Variants in RAB11FIP5 observed in about 807,000 individuals in gnomAD.
The protein encoded by RAB11FIP5 is RAB11 family interacting protein 5, also known as rab11 family-interacting protein 5.
RAB11FIP5 carries 48 observed loss-of-function variants against 85.1 expected under a neutral mutation model. That is an observed-to-expected ratio of 0.56 (90% CI 0.45 to 0.72). The LOEUF (loss-of-function observed/expected upper bound fraction) is 0.72, where lower values mean the gene tolerates loss of function less well. Ranked by LOEUF, RAB11FIP5 falls within the 30% of genes least tolerant of loss-of-function variation. RAB11FIP5 has a pLI of 0.00. For missense variants in RAB11FIP5, 1,491 were observed against 1,687.0 expected, an observed-to-expected ratio of 0.88 and a Z score of 2.04; for synonymous variants, 729 against 727.3, an observed-to-expected ratio of 1.00 and a Z score of -0.04.
rs769814698 is a variant in RAB11FIP5 at position 73,088,859 on chromosome 2, G to A, written c.868+20C>T. 17 of 1,547,860 alleles carry A rather than the reference G, an allele frequency of 1.1e-5. No individual in the cohort carries two copies. The highest frequency in any genetic ancestry group is 1.5e-5 in the Non-Finnish European group (17 of 1,149,630). On this transcript the variant is annotated intron_variant, in intron 2 of 5. Transcript: ENST00000486777. ...AGCCAGTGCCCCCCTCCCCAGGGCG[G>A]CGGCCCTGTGCTTGCTCACCCCCTT...
chr2:73,075,932 C>G lies in RAB11FIP5; in HGVS notation c.3771+61G>C, dbSNP rs541941304. On this transcript the variant is annotated intron_variant, in intron 5 of 5. Transcript: ENST00000486777. The surrounding 1 kb of genome is among the most constrained non-coding windows in gnomAD (Gnocchi z 4.6). ...CTCCCTGCCCCACCCTCACCAGGAC[C>G]AAGCCCTGAGACTCCACCACACATT... 9.7e-5 allele frequency: 151 copies of G among 1,559,018 alleles called. No homozygotes were observed. In the African/African-American group the frequency reaches 1.8e-3, roughly 19 times the overall value.
chr2:73,103,618 G>A (rs896757771), intron 1 of RAB11FIP5, among the ~76,000 whole-genome samples: 12 of 152,122 alleles, frequency 7.9e-5, no homozygotes, highest in African/African-American at 2.7e-4. Context: ...CTCCATATTC[G>A]CAAAAATGGT....
chr2:73,109,142 T>C (rs932526895), intron 1 of RAB11FIP5, among the ~76,000 whole-genome samples: 1 of 152,202 alleles, frequency 6.6e-6, no homozygotes, highest in African/African-American at 2.4e-5. Flanking sequence ...TGACGATCCA[T>C]GGACAGTTCT....
intron 1 of RAB11FIP5, among the ~76,000 whole-genome samples, chr2:73,097,393 C>T (rs575561732): frequency 3.9e-5 from 6 of 152,340 alleles, no homozygotes; most frequent in East Asian, 3.9e-4. Flanking sequence ...TGTGTGCACA[C>T]GCATGTGTCC....
intron 1 of RAB11FIP5, among the ~76,000 whole-genome samples, chr2:73,091,898 T>C (rs1684220388): frequency 6.6e-6 from 1 of 152,118 alleles, no homozygotes; most frequent in Non-Finnish European, 1.5e-5. Context: ...GAACAGATGG[T>C]GCCACAGGCA....
Position 73,075,944 on chromosome 2 carries a change from C to A in RAB11FIP5, c.3771+49G>T, listed in dbSNP as rs374573249. ...CCCTCACCAGGACCAAGCCCTGAGA[C>A]TCCACCACACATTCTGTCAGATGGC... On this transcript the variant is annotated intron_variant, in intron 5 of 5. Coordinates refer to ENST00000486777, the MANE Select transcript of RAB11FIP5 (RefSeq NM_001371272.1). This position sits in a 1 kb window ranked among gnomAD's most constrained non-coding sequence, Gnocchi z 4.6. 1 of 1,574,590 alleles carries A rather than the reference C, an allele frequency of 6.4e-7. No individual in the cohort carries two copies. The highest frequency in any genetic ancestry group is 1.8e-4 in the Middle Eastern group (1 of 5,692).
chr2:73,105,108 C>T lies in RAB11FIP5; in HGVS notation c.431+7239G>A, dbSNP rs192319025. Among the ~76,000 whole-genome samples the T allele has an allele frequency of 2.8e-3, 427 of 152,308 alleles. 3 individuals carry two copies. The highest frequency in any genetic ancestry group is 4.3e-3 in the Non-Finnish European group (291 of 68,036). On this transcript the variant is annotated intron_variant, in intron 1 of 5. Coordinates refer to ENST00000486777, the MANE Select transcript of RAB11FIP5 (RefSeq NM_001371272.1). ...CTGTCACAGTAAAACCAGCATGTGA[C>T]GTCTTGGGAAGGATTACGGAGTCTG...
At chr2:73,084,943 C>T (rs968964108) in intron 3 of RAB11FIP5, among the ~76,000 whole-genome samples, 3 of 152,216 alleles carry the variant, frequency 2.0e-5, no homozygotes, top group African/African-American at 7.2e-5. Context: ...GTCCAAGAGA[C>T]GGGTACATCC....
intron 3 of RAB11FIP5, among the ~76,000 whole-genome samples, chr2:73,082,465 T>C (rs1223692193): frequency 6.6e-6 from 1 of 152,226 alleles, no homozygotes; most frequent in Non-Finnish European, 1.5e-5. Context: ...TGGGTTCTAT[T>C]GATCCCTTGC....
chr2:73,082,767 G>A (rs1354750625), intron 3 of RAB11FIP5, among the ~76,000 whole-genome samples: 1 of 152,224 alleles, frequency 6.6e-6, no homozygotes, highest in African/African-American at 2.4e-5. Flanking sequence ...CTTTCTGGGG[G>A]AAACGCCCCC....
intron 1 of RAB11FIP5, among the ~76,000 whole-genome samples, chr2:73,111,540 G>C (rs948528005): frequency 6.6e-6 from 1 of 152,170 alleles, no homozygotes; most frequent in African/African-American, 2.4e-5. Context: ...TCTTAACACA[G>C]GCAAGGTTAA....
chr2:73,075,775 T>TGCCTGCCCGCTTGCCCGCCCGCCC lies in RAB11FIP5; in HGVS notation c.3772-75_3772-52dup. Reference sequence around the variant, plus strand: ...CAGGGCAGCCCTAGGCCTGCCTGCCTGCCTGCCCGCTTGCCCGCCCGCCCG... The same window carrying TGCCTGCCCGCTTGCCCGCCCGCCC: ...CAGGGCAGCCCTAGGCCTGCCTGCCTGCCTGCCCGCTTGCCCGCCCGCCCGCCTGCCCGCTTGCCCGCCCGCCCG... On this transcript the variant is annotated intron_variant, in intron 5 of 5. Transcript: ENST00000486777. This position sits in a 1 kb window ranked among gnomAD's most constrained non-coding sequence, Gnocchi z 4.6. The TGCCTGCCCGCTTGCCCGCCCGCCC allele has an allele frequency of 6.5e-7, 1 of 1,530,174 alleles. No homozygotes were observed. The highest frequency in any genetic ancestry group is 8.8e-7 in the Non-Finnish European group (1 of 1,133,242). 94.8% of individuals were successfully genotyped at this position (1,530,174 alleles called of 1,614,324 possible).
chr2:73,076,264 T>C (rs1297401006), intron 4 of RAB11FIP5, 82 bp from the exon 5 acceptor site: 19 of 1,314,136 alleles, frequency 1.4e-5, no homozygotes, highest in Non-Finnish European at 2.0e-5. Flanking sequence ...CTGTGGAGCC[T>C]CCAGGTCTGC....
At chr2:73,097,204 A>AT (rs2106117688) in intron 1 of RAB11FIP5, among the ~76,000 whole-genome samples, 1 of 152,068 alleles carries the variant, frequency 6.6e-6, no homozygotes, top group South Asian at 2.1e-4. Context: ...CGCCTGGCTA[A>AT]TTTTGTATTT....
rs894198819 is a variant in RAB11FIP5 at position 73,112,264 on chromosome 2, C to T, written c.431+83G>A. On this transcript the variant is annotated intron_variant, in intron 1 of 5. Transcript: ENST00000486777. ...ACGAGGCAAGGGCTCACTGGCCCGG[C>T]TGAAGTTCGGGGTCCTGATCCCCCA... 11 of 1,365,834 alleles carry T rather than the reference C, an allele frequency of 8.1e-6. No homozygotes were observed. The African/African-American group carries it at 1.7e-4, about 21-fold the overall frequency. The allele number at this position is 1,365,834 out of a possible 1,614,324, so 84.6% of individuals were successfully genotyped here.
rs1334802748 is a variant in RAB11FIP5, at chr2:73,080,128, C to A, written c.3104G>T (p.Gly1035Val). The stretch of plus-strand genomic sequence containing the variant: ...AAGCCCCTCTCCTACTGGATCCTGG[C>A]CCTGGGCCTCAGGAGCCTCAGGGCC... ...GEGPEAPEAQ[G>V]QDPVGEGLGS... is the part of the protein sequence containing the mutation. The change falls in exon 4 of 6, where the codon GGC becomes GTC. Residue 1035 changes from glycine (G) to valine (V), a missense_variant. Gly to Val is a moderately radical substitution (Grantham distance 109, BLOSUM62 -3). Transcript: ENST00000486777. The A allele has an allele frequency of 8.1e-7, 1 of 1,232,094 alleles. No individual in the cohort carries two copies. The highest frequency in any genetic ancestry group is 1.0e-6 in the Non-Finnish European group (1 of 988,040). The allele number at this position is 1,232,094 out of a possible 1,614,324, so 76.3% of individuals were successfully genotyped here.
In RAB11FIP5 at chr2:73,080,542, G is replaced by T; in HGVS notation, c.2690C>A (p.Pro897His). ...CGGTGGCTTGGGAGGTGGGGTGCTG[G>T]GCTGCAGCCCCTTGTCAGACACCCA... ...PEWVSDKGLQ[P>H]STPPPKPPRL... Residue 897 changes from proline (P) to histidine (H), a missense_variant, in exon 4 of 6, where the codon CCC becomes CAC. Coordinates refer to ENST00000486777, the MANE Select transcript of RAB11FIP5 (RefSeq NM_001371272.1). 8.1e-7 allele frequency: 1 copy of T among 1,232,632 alleles called. No individual in the cohort carries two copies. The highest frequency in any genetic ancestry group is 1.0e-6 in the Non-Finnish European group (1 of 988,164). 76.4% of individuals were successfully genotyped at this position (1,232,632 alleles called of 1,614,324 possible). A position where few individuals can be genotyped will look rare whatever the true frequency, so the allele number is the denominator to read the frequency against.
chr2:73,087,850 A>G (rs1301696900), intron 3 of RAB11FIP5, among the ~76,000 whole-genome samples, 200 bp downstream of exon 3: 3 of 152,140 alleles, frequency 2.0e-5, no homozygotes, highest in Admixed American at 6.5e-5. Flanking sequence ...TCAGAGCACT[A>G]TGCCCTCGTA....
chr2:73,101,735 A>T (rs1214102379), intron 1 of RAB11FIP5, among the ~76,000 whole-genome samples: 1 of 152,022 alleles, frequency 6.6e-6, no homozygotes, highest in African/African-American at 2.4e-5. Flanking sequence ...CTGTGAACTC[A>T]TCAGCCCACC....
Sources: allele counts gnomAD v4.1 joint callset (sites outside exome capture counted in the v4.1 genomes callset), GRCh38; gene constraint gnomAD v4.1.1; non-coding constraint Gnocchi (gnomAD v3.1); transcripts MANE v1.5; gene names NCBI Gene and HGNC (gene_info 2026-07-23, HGNC 2026-07-21).